The following PCDHA1 variants were observed in gnomAD, a reference collection of about 807,000 sequenced individuals.
PCDHA1 encodes the protein protocadherin alpha 1, also known as protocadherin alpha-1.
PCDHA1 carries 42 observed loss-of-function variants against 61.3 expected under a neutral mutation model. The ratio of observed to expected loss-of-function variants is 0.69; its 90% CI spans 0.54 to 0.89. The LOEUF (loss-of-function observed/expected upper bound fraction) is 0.89, where lower values mean the gene tolerates loss of function less well. Among genes scored for constraint, PCDHA1 ranks in the 40% least tolerant of loss-of-function variants. PCDHA1 has a pLI of 0.00. For missense variants in PCDHA1, 1,256 were observed against 1,235.3 expected (o/e 1.02, Z -0.25); for synonymous variants, 610 against 553.8 (o/e 1.10, Z -1.43).
intron 1 of PCDHA1, chr5:140,822,153 T>C (rs2150114152): frequency 6.2e-7 from 1 of 1,614,244 alleles, no homozygotes; most frequent in South Asian, 1.1e-5. Context: ...AGGACATCAA[T>C]GACAATCCGC....
intron 1 of PCDHA1, among the ~76,000 whole-genome samples, chr5:140,947,396 A>G (rs113635864): frequency 6.6e-6 from 1 of 151,710 alleles, no homozygotes; most frequent in Non-Finnish European, 1.5e-5. Flanking sequence ...CACTAAAAGT[A>G]GACTGTCTTG....
chr5:140,823,215 C>A (rs916835953), intron 1 of PCDHA1: 12 of 1,613,770 alleles, frequency 7.4e-6, no homozygotes, highest in Non-Finnish European at 1.0e-5. Context: ...CTGCACGGGA[C>A]GCGGACGCGC....
intron 1 of PCDHA1, chr5:140,836,415 G>T (rs2150260164): frequency 3.1e-6 from 5 of 1,613,812 alleles, no homozygotes; most frequent in Admixed American, 1.7e-5. Context: ...GGCACCAAAG[G>T]CGTCGTCGCG....
chr5:140,890,966 T>C (rs2062882231), intron 1 of PCDHA1, among the ~76,000 whole-genome samples: 1 of 152,206 alleles, frequency 6.6e-6, no homozygotes, highest in African/African-American at 2.4e-5. Flanking sequence ...TCAGGTTTTG[T>C]TTTTCTGAAA....
chr5:140,873,785 C>T (rs1035020245), intron 1 of PCDHA1, among the ~76,000 whole-genome samples: 2 of 152,146 alleles, frequency 1.3e-5, no homozygotes, highest in Non-Finnish European at 2.9e-5. Flanking sequence ...CTCAGCTTTC[C>T]GAGAAGCTGG....
chr5:140,801,420 C>A (rs528555541), intron 1 of PCDHA1: 1 of 1,613,826 alleles, frequency 6.2e-7, no homozygotes, highest in Non-Finnish European at 8.5e-7. Context: ...CGGGGACCTT[C>A]TGGAGGTAAA....
rs2150347171 is a variant in PCDHA1, at chr5:140,842,877, C to T, written c.2394+54193C>T. On this transcript the variant is annotated intron_variant, in intron 1 of 3. Coordinates refer to ENST00000504120, the MANE Select transcript of PCDHA1 (RefSeq NM_018900.4). Reference sequence around the variant, plus strand: ...CACACGGAGAGCGGCAAGGTGTACGCGCTGCAGCCGCTGGACCACGAGGAG... The same window carrying T: ...CACACGGAGAGCGGCAAGGTGTACGTGCTGCAGCCGCTGGACCACGAGGAG... 18 of 1,593,980 alleles carry T rather than the reference C, an allele frequency of 1.1e-5. 2 individuals carry two copies. Among genetic ancestry groups the T allele is most frequent in the Non-Finnish European group, 1.5e-5 (18 of 1,165,432 alleles).
chr5:140,856,808 C>G (rs1554149136), intron 1 of PCDHA1: 1 of 1,594,492 alleles, frequency 6.3e-7, no homozygotes. Context: ...GTATGAAAAT[C>G]AAGTGAACCA....
intron 1 of PCDHA1, chr5:140,836,466 G>C (rs1554135989): frequency 1.2e-6 from 2 of 1,613,862 alleles, no homozygotes; most frequent in Non-Finnish European, 1.7e-6. Context: ...CGAGCTGGTG[G>C]ATGTCAACGT....
chr5:140,823,111 G>A (rs1554129147), intron 1 of PCDHA1: 3 of 1,614,060 alleles, frequency 1.9e-6, no homozygotes, highest in Non-Finnish European at 2.5e-6. Context: ...GGAAGTGGCC[G>A]ACGTGAACGA....
chr5:140,859,378 T>G lies in PCDHA1; in HGVS notation c.2394+70694T>G. The G allele has an allele frequency of 7.4e-6, 2 of 268,578 alleles. 1 individual carries two copies. Among genetic ancestry groups the G allele is most frequent in the Non-Finnish European group, 1.3e-5 (2 of 148,378 alleles). The allele number at this position is 268,578 out of a possible 1,614,324, so 16.6% of individuals were successfully genotyped here. A position where few individuals can be genotyped will look rare whatever the true frequency, so the allele number is the denominator to read the frequency against. On this transcript the variant is annotated intron_variant, in intron 1 of 3. Transcript: ENST00000504120. ...CTGATATATTGTATAGTTTAATAGCTTCTCTAGTCATCTTAAACAGGGTTG... is the reference window on the plus strand; with the variant it reads ...CTGATATATTGTATAGTTTAATAGCGTCTCTAGTCATCTTAAACAGGGTTG...
chr5:140,977,484 G>A (rs2096763384), intron 1 of PCDHA1, among the ~76,000 whole-genome samples: 1 of 152,220 alleles, frequency 6.6e-6, no homozygotes. Flanking sequence ...TTTATGCTAT[G>A]TTATATGGAA....
intron 3 of PCDHA1, among the ~76,000 whole-genome samples, chr5:141,007,567 CA>C (rs1489201842): frequency 6.6e-6 from 1 of 151,954 alleles, no homozygotes; most frequent in Non-Finnish European, 1.5e-5. Flanking sequence ...GGCTCTATCT[CA>C]AATTTAAAAA....
At chr5:140,822,947 AC>A in intron 1 of PCDHA1, 20 of 1,614,242 alleles carry the variant, frequency 1.2e-5, no homozygotes, top group Non-Finnish European at 1.7e-5. Context: ...CTAATGCCCC[AC>A]GTTCCCTTCA....
intron 1 of PCDHA1, among the ~76,000 whole-genome samples, chr5:140,833,310 T>C (rs1772401616): frequency 6.6e-6 from 1 of 152,138 alleles, no homozygotes; most frequent in Non-Finnish European, 1.5e-5. Context: ...CATAATTATT[T>C]TACATGCCAT....
intron 3 of PCDHA1, among the ~76,000 whole-genome samples, chr5:140,996,394 G>A (rs2097724789): frequency 6.6e-6 from 1 of 152,192 alleles, no homozygotes; most frequent in Non-Finnish European, 1.5e-5. Context: ...GCCTCATAGA[G>A]TTTCAGGTGG....
At chr5:140,870,789 G>A in intron 1 of PCDHA1, 3 of 1,613,630 alleles carry the variant, frequency 1.9e-6, no homozygotes, top group Admixed American at 1.7e-5. Context: ...ACAACGCGCC[G>A]GCACTGCTGG....
intron 1 of PCDHA1, among the ~76,000 whole-genome samples, chr5:140,887,101 C>CTT (rs200717289): frequency 4.1e-5 from 6 of 145,304 alleles, no homozygotes; most frequent in African/African-American, 1.0e-4. Context: ...ATCTTTATCT[C>CTT]TTTTTTTTTT....
chr5:140,887,526 C>G (rs914597781), intron 1 of PCDHA1, among the ~76,000 whole-genome samples: 10 of 152,086 alleles, frequency 6.6e-5, no homozygotes, highest in Admixed American at 1.3e-4. Flanking sequence ...ATATATGAGT[C>G]TTCCTCTCCC....
Sources: allele counts gnomAD v4.1 joint callset (sites outside exome capture counted in the v4.1 genomes callset), GRCh38; gene constraint gnomAD v4.1.1; transcripts MANE v1.5; gene names NCBI Gene and HGNC (gene_info 2026-07-23, HGNC 2026-07-21).